The following PKIG variants were observed in gnomAD, a reference collection of about 807,000 sequenced individuals.
PKIG encodes protein kinase (cAMP-dependent, catalytic) inhibitor gamma.
PKIG carries 1 observed loss-of-function variant against 6.8 expected under a neutral mutation model. The ratio of observed to expected loss-of-function variants is 0.15; its 90% CI spans 0.05 to 0.69. The LOEUF (loss-of-function observed/expected upper bound fraction) is 0.69, where lower values mean the gene tolerates loss of function less well. Among genes scored for constraint, PKIG ranks in the 30% least tolerant of loss-of-function variants. The pLI, the probability that PKIG is intolerant of heterozygous loss-of-function variation, is 0.82. For synonymous variants in PKIG, 39 were observed against 43.0 expected, an observed-to-expected ratio of 0.91 and a Z score of 0.36; for missense variants, 77 against 104.0, an observed-to-expected ratio of 0.74 and a Z score of 1.13.
chr20:44,599,708 G>A (rs1053904205), intron 2 of PKIG, among the ~76,000 whole-genome samples: 5 of 152,090 alleles, frequency 3.3e-5, no homozygotes, highest in East Asian at 1.9e-4. Flanking sequence ...GTCACAGAGC[G>A]AGATTCTGTC....
intron 1 of PKIG, among the ~76,000 whole-genome samples, chr20:44,568,109 C>T (rs931331403): frequency 2.0e-5 from 3 of 152,032 alleles, no homozygotes; most frequent in Admixed American, 6.6e-5. Flanking sequence ...CCACTGCACT[C>T]GAGCCTGGGT....
intron 1 of PKIG, among the ~76,000 whole-genome samples, chr20:44,554,283 A>G (rs2123208346): frequency 6.6e-6 from 1 of 152,042 alleles, no homozygotes; most frequent in Non-Finnish European, 1.5e-5. Flanking sequence ...GGGTTTCACC[A>G]TGTTGGTCAG....
intron 2 of PKIG, among the ~76,000 whole-genome samples, chr20:44,597,546 G>A (rs986469343): frequency 3.3e-5 from 5 of 152,084 alleles, no homozygotes; most frequent in Non-Finnish European, 2.9e-5. Flanking sequence ...CATTCTCCAC[G>A]GTGTATTTTG....
chr20:44,536,993 C>T (rs1218144683), intron 1 of PKIG, among the ~76,000 whole-genome samples: 4 of 152,046 alleles, frequency 2.6e-5, no homozygotes, highest in Non-Finnish European at 4.4e-5. Context: ...GCAATGGCAC[C>T]ATCTCAGTTC....
chr20:44,604,833 G>A (rs1320903687), intron 2 of PKIG, among the ~76,000 whole-genome samples: 4 of 152,020 alleles, frequency 2.6e-5, no homozygotes, highest in Non-Finnish European at 4.4e-5. Context: ...TTGTGGGAGA[G>A]GAATTGTGAA....
At chr20:44,613,890 G>A (rs149270808) in intron 2 of PKIG, among the ~76,000 whole-genome samples, 79 of 152,292 alleles carry the variant, frequency 5.2e-4, no homozygotes, top group African/African-American at 1.9e-3. Flanking sequence ...TGTCCTTGGT[G>A]TCATTGTCCC....
chr20:44,553,079 TC>T (rs964028350), intron 1 of PKIG, among the ~76,000 whole-genome samples: 7 of 152,310 alleles, frequency 4.6e-5, no homozygotes, highest in African/African-American at 1.7e-4. Flanking sequence ...AGAGCTTTTT[TC>T]TTAACACTGA....
chr20:44,561,297 A>C (rs2064765347), intron 1 of PKIG, among the ~76,000 whole-genome samples: 2 of 152,188 alleles, frequency 1.3e-5, no homozygotes. Context: ...AGATCGCACC[A>C]GTGTATTCCA....
chr20:44,535,400 G>A (rs995931249), intron 1 of PKIG, among the ~76,000 whole-genome samples: 1 of 152,196 alleles, frequency 6.6e-6, no homozygotes, highest in Admixed American at 6.5e-5. Context: ...CAGCACTTTG[G>A]GAGGCCAAGG....
chr20:44,598,387 C>T (rs929924089), intron 2 of PKIG, among the ~76,000 whole-genome samples: 6 of 152,178 alleles, frequency 3.9e-5, no homozygotes, highest in East Asian at 3.8e-4. Context: ...CTCTACCTCC[C>T]GAGAGGAGGA....
intron 1 of PKIG, chr20:44,585,289 T>A (rs2064980904): frequency 6.6e-6 from 1 of 152,458 alleles, no homozygotes; most frequent in South Asian, 2.1e-4. Flanking sequence ...GTGTGTTTGC[T>A]GATCTCTCCC....
intron 2 of PKIG, among the ~76,000 whole-genome samples, chr20:44,611,242 C>T (rs1195269779): frequency 6.6e-6 from 1 of 151,842 alleles, no homozygotes; most frequent in Non-Finnish European, 1.5e-5. Flanking sequence ...TTAGTAGAGG[C>T]GACGTTTCAC....
intron 2 of PKIG, among the ~76,000 whole-genome samples, chr20:44,605,260 T>C (rs1296623872): frequency 1.3e-5 from 2 of 151,790 alleles, no homozygotes; most frequent in Non-Finnish European, 2.9e-5. Flanking sequence ...TACAAAAAAT[T>C]AGCCGGGTGT....
intron 1 of PKIG, among the ~76,000 whole-genome samples, chr20:44,574,585 T>C (rs1044925540): frequency 1.9e-4 from 29 of 152,122 alleles, no homozygotes; most frequent in Non-Finnish European, 3.7e-4. Flanking sequence ...TTTTTGTTTT[T>C]GTTTTTGTTT....
chr20:44,598,980 A>G (rs960973638), intron 2 of PKIG: 1 of 152,226 alleles, frequency 6.6e-6, no homozygotes, highest in Non-Finnish European at 1.5e-5. Flanking sequence ...TGGTGGTAGA[A>G]TCAAGAGAGT....
At chr20:44,588,842 C>A (rs2065011445) in intron 1 of PKIG, among the ~76,000 whole-genome samples, 1 of 152,126 alleles carries the variant, frequency 6.6e-6, no homozygotes, top group East Asian at 1.9e-4. Context: ...TTGAAAATAT[C>A]TTTTGCCCTC....
At chr20:44,550,026 C>A (rs11086929) in intron 1 of PKIG, among the ~76,000 whole-genome samples, 1 of 150,832 alleles carries the variant, frequency 6.6e-6, no homozygotes, top group Non-Finnish European at 1.5e-5. Context: ...TCTGAAGGAC[C>A]TGGGGGAATT....
In PKIG at chr20:44,618,494, C is replaced by A; in HGVS notation, c.*130C>A. On this transcript the variant is annotated 3_prime_UTR_variant, in exon 4 of 4. Transcript: ENST00000372886. ...GATAAACCAGGCCAGACTGAGAAGG[C>A]TCCCCAGAGGCCTCTGTGGCCTCCA... 1 of 701,340 alleles carries A rather than the reference C, an allele frequency of 1.4e-6. No individual in the cohort carries two copies. Among genetic ancestry groups the A allele is most frequent in the East Asian group, 2.6e-5 (1 of 38,362 alleles). 43.4% of individuals were successfully genotyped at this position (701,340 alleles called of 1,614,324 possible).
chr20:44,569,619 T>G (rs1048737392), intron 1 of PKIG, among the ~76,000 whole-genome samples: 6 of 152,214 alleles, frequency 3.9e-5, no homozygotes, highest in Non-Finnish European at 7.3e-5. Flanking sequence ...TATTTATTTT[T>G]TTTTGAGGTG....
Sources: allele counts gnomAD v4.1 joint callset (sites outside exome capture counted in the v4.1 genomes callset), GRCh38; gene constraint gnomAD v4.1.1; transcripts MANE v1.5; gene names NCBI Gene and HGNC (gene_info 2026-07-23, HGNC 2026-07-21).